Variants in MTREX observed in about 807,000 individuals in gnomAD.
The protein encoded by MTREX is exosome RNA helicase MTR4.
Under a neutral mutation model 135.4 loss-of-function variants are expected in MTREX, and 76 were observed. The ratio of observed to expected loss-of-function variants is 0.56; its 90% CI spans 0.47 to 0.68. MTREX has a LOEUF of 0.68. Ranked by LOEUF, MTREX falls within the 30% of genes least tolerant of loss-of-function variation. MTREX has a pLI of 0.00. For synonymous variants in MTREX, 404 were observed against 401.6 expected, an observed-to-expected ratio of 1.01 and a Z score of -0.07; for missense variants, 920 against 1,262.1, an observed-to-expected ratio of 0.73 and a Z score of 4.11.
intron 1 of MTREX, among the ~76,000 whole-genome samples, chr5:55,313,926 C>T (rs944389093): frequency 3.3e-5 from 5 of 151,732 alleles, no homozygotes; most frequent in Non-Finnish European, 5.9e-5. Context: ...AAAAACTGTT[C>T]ATCTTTTTTT....
intron 16 of MTREX, among the ~76,000 whole-genome samples, chr5:55,373,838 G>T (rs986309869): frequency 2.0e-5 from 3 of 152,130 alleles, no homozygotes; most frequent in African/African-American, 7.2e-5. Context: ...CTGTCTCCAG[G>T]TGGATAATGT....
intron 26 of MTREX, chr5:55,424,024 T>G (rs533669658): frequency 1.5e-4 from 23 of 152,232 alleles, no homozygotes; most frequent in African/African-American, 5.1e-4. Context: ...GAATTTCACA[T>G]GGGAACTGAA....
At chr5:55,357,116 G>T in intron 14 of MTREX, 1 of 155,776 alleles carries the variant, frequency 6.4e-6, no homozygotes, top group South Asian at 1.9e-4. Flanking sequence ...ATGTTGGCAT[G>T]ACGCACCTGG....
intron 21 of MTREX, among the ~76,000 whole-genome samples, chr5:55,404,055 A>G (rs12518892): frequency 0.061 from 9,244 of 152,280 alleles, 505 homozygotes; most frequent in African/African-American, 0.12. Flanking sequence ...TAGGATTGCT[A>G]TAAGAATGAA....
chr5:55,310,073 A>C (rs936968688), intron 1 of MTREX, among the ~76,000 whole-genome samples: 2 of 152,218 alleles, frequency 1.3e-5, no homozygotes, highest in South Asian at 2.1e-4. Flanking sequence ...ATAATTTACC[A>C]TGTTAGTATA....
At chr5:55,414,336 TCA>T (rs1317156096) in intron 24 of MTREX, 98 bp downstream of exon 24, 11 of 973,594 alleles carry the variant, frequency 1.1e-5, no homozygotes, top group Non-Finnish European at 1.6e-5. Flanking sequence ...GTTTATCATT[TCA>T]CAGAGATAAC....
At chr5:55,424,668 G>T (rs1445868687) in intron 26 of MTREX, 52 bp from the exon 27 acceptor site, 2 of 1,347,112 alleles carry the variant, frequency 1.5e-6, no homozygotes, top group Non-Finnish European at 2.1e-6. Flanking sequence ...GTAGAGGCAA[G>T]TTAGGTGTTT....
At chr5:55,377,267 C>T (rs1369181188) in intron 16 of MTREX, among the ~76,000 whole-genome samples, 1 of 152,034 alleles carries the variant, frequency 6.6e-6, no homozygotes, top group East Asian at 1.9e-4. Context: ...GCAGATCTTG[C>T]AGTGAGCCGA....
chr5:55,352,046 GT>G (rs1247390818), intron 13 of MTREX, among the ~76,000 whole-genome samples: 1 of 150,052 alleles, frequency 6.7e-6, no homozygotes, highest in East Asian at 2.0e-4. Context: ...GTTTTGTTTT[GT>G]TTTTGTTTTT....
intron 5 of MTREX, among the ~76,000 whole-genome samples, chr5:55,332,706 G>A (rs559603389): frequency 8.5e-5 from 13 of 152,148 alleles, no homozygotes; most frequent in Non-Finnish European, 1.5e-4. Flanking sequence ...AATGTAATTA[G>A]TATATTCATG....
rs564104416 is a variant in MTREX at position 55,308,132 on chromosome 5, C to T, written c.119C>T (p.Ser40Phe). The T allele has an allele frequency of 3.2e-5, 52 of 1,606,848 alleles. 2 individuals carry two copies. The South Asian group carries it at 5.3e-4, about 16-fold the overall frequency. ...GGGAAATGGAAGGGGCCTCCAGGGT[C>T]TGCAGACAAGGCAGGGTAAGGAAGA... is the stretch of plus-strand genomic sequence containing the variant. ...DKGKWKGPPG[S>F]ADKAGKRFDG... The change falls in exon 1 of 27, where the codon TCT becomes TTT. Residue 40 changes from serine to phenylalanine, a missense_variant. Physicochemically the swap from Ser to Phe is radical, Grantham distance 155. Coordinates refer to ENST00000230640, the MANE Select transcript of MTREX (RefSeq NM_015360.5).
chr5:55,377,386 T>C (rs1005131773), intron 16 of MTREX, among the ~76,000 whole-genome samples: 2 of 152,140 alleles, frequency 1.3e-5, no homozygotes, highest in African/African-American at 4.8e-5. Context: ...ATTTTAAAAA[T>C]CCAATATTAG....
At chr5:55,380,509 T>C (rs1277537315) in intron 18 of MTREX, among the ~76,000 whole-genome samples, 1 of 152,216 alleles carries the variant, frequency 6.6e-6, no homozygotes, top group Non-Finnish European at 1.5e-5. Context: ...ATATTTCTTA[T>C]GTGCCTATTG....
chr5:55,403,485 A>G (rs1203438264), intron 21 of MTREX, among the ~76,000 whole-genome samples: 1 of 152,242 alleles, frequency 6.6e-6, no homozygotes. Context: ...CATTATATCT[A>G]AAATATTTCA....
At chr5:55,387,783 G>A (rs1750501903) in intron 18 of MTREX, among the ~76,000 whole-genome samples, 191 bp from the exon 19 acceptor site, 1 of 152,060 alleles carries the variant, frequency 6.6e-6, no homozygotes, top group East Asian at 1.9e-4. Flanking sequence ...AGTTATTTCT[G>A]TGTTTTCTCA....
intron 18 of MTREX, among the ~76,000 whole-genome samples, chr5:55,386,382 G>C (rs1411869783): frequency 6.6e-6 from 1 of 152,062 alleles, no homozygotes; most frequent in Non-Finnish European, 1.5e-5. Context: ...TAAGATAATA[G>C]AACACTTAAC....
At chr5:55,412,432 G>A (rs230771) in intron 23 of MTREX, among the ~76,000 whole-genome samples, 130,830 of 152,192 alleles carry the variant, frequency 0.86, 56,631 homozygotes, top group South Asian at 0.92. Context: ...CAGTGTACAG[G>A]TCTAAGCACC....
chr5:55,327,611 G>A (rs916526634), intron 3 of MTREX, 105 bp from the exon 4 acceptor site: 77 of 846,100 alleles, frequency 9.1e-5, no homozygotes, highest in Middle Eastern at 2.8e-4. Context: ...CATCACTCTA[G>A]TTCATCAGTT....
At chr5:55,372,912 G>T (rs1189046525) in intron 16 of MTREX, among the ~76,000 whole-genome samples, 1 of 150,276 alleles carries the variant, frequency 6.7e-6, no homozygotes, top group Admixed American at 6.6e-5. Context: ...GTGTGTGTGT[G>T]TGTGTGTGTG....
Sources: gnomAD v4.1 joint callset for allele counts (sites outside exome capture counted in the v4.1 genomes callset) on GRCh38, gnomAD v4.1.1 for gene constraint, MANE v1.5 for transcripts, NCBI Gene and HGNC (gene_info 2026-07-23, HGNC 2026-07-21) for gene names.